The following DAB1 variants were observed in gnomAD, a reference collection of about 807,000 sequenced individuals.
The protein encoded by DAB1 is disabled homolog 1.
Under a neutral mutation model 64.6 loss-of-function variants are expected in DAB1, and 15 were observed. The observed-to-expected ratio is 0.23, with a 90% CI of 0.16 to 0.36. DAB1 has a LOEUF of 0.36. DAB1 is among the 10% of genes least tolerant of loss of function. The probability of loss-of-function intolerance (pLI) is 1.00; values close to 1 mark genes in which losing one functional copy is unlikely to be tolerated. For synonymous variants in DAB1, 235 were observed against 251.9 expected (o/e 0.93, Z 0.64); for missense variants, 596 against 706.7 (o/e 0.84, Z 1.78).
At chr1:57,468,035 C>T (rs888488763) in intron 7 of DAB1, among the ~76,000 whole-genome samples, 5 of 152,206 alleles carry the variant, frequency 3.3e-5, no homozygotes, top group African/African-American at 1.2e-4. Flanking sequence ...CTGGCTGTCT[C>T]CCCTGGCCCC....
rs187772609 is a variant in DAB1, at chr1:58,404,171, G to A, written n.258-60768C>T. On this transcript the variant is annotated intron_variant and non_coding_transcript_variant, in intron 3 of 20. Transcript: ENST00000485760. ...GAGACATGTCACTGGCACTGAGCAAGCCAACTCGGGGACCTACTCAGAATG... is the reference window on the plus strand; with the variant it reads ...GAGACATGTCACTGGCACTGAGCAAACCAACTCGGGGACCTACTCAGAATG... Among the ~76,000 whole-genome samples the A allele has an allele frequency of 1.8e-3, 276 of 152,274 alleles. 1 individual carries two copies. The highest frequency in any genetic ancestry group is 6.3e-3 in the African/African-American group (262 of 41,554).
chr1:57,298,906 T>C (rs1016564287), intron 1 of DAB1, among the ~76,000 whole-genome samples: 1 of 152,236 alleles, frequency 6.6e-6, no homozygotes, highest in Non-Finnish European at 1.5e-5. Context: ...GAACTTTTTT[T>C]CCCTTTGGAC....
intron 5 of DAB1, among the ~76,000 whole-genome samples, chr1:58,028,427 C>T (rs1055512187): frequency 6.6e-6 from 1 of 152,108 alleles, no homozygotes; most frequent in Non-Finnish European, 1.5e-5. Context: ...ATAAAGCATA[C>T]CCCATGTGTT....
At chr1:57,934,952 C>T (rs975732876) in intron 5 of DAB1, among the ~76,000 whole-genome samples, 1 of 152,206 alleles carries the variant, frequency 6.6e-6, no homozygotes, top group African/African-American at 2.4e-5. Context: ...ATGAGTCTGT[C>T]TCCCCTAAGG....
chr1:57,998,440 C>T (rs914762187), intron 5 of DAB1, among the ~76,000 whole-genome samples: 6 of 146,492 alleles, frequency 4.1e-5, no homozygotes, highest in Admixed American at 1.4e-4. Context: ...GCGATCTCAG[C>T]TCAACCTCTG....
chr1:57,731,734 G>A (rs1647432327), intron 6 of DAB1, among the ~76,000 whole-genome samples: 1 of 151,892 alleles, frequency 6.6e-6, no homozygotes. Flanking sequence ...GAACCCAGGA[G>A]GCGGAGGTTG....
At chr1:58,530,579 C>A in intron 1 of DAB1, 2 of 865,316 alleles carry the variant, frequency 2.3e-6, no homozygotes, top group South Asian at 1.3e-5. Flanking sequence ...ATGATCAATT[C>A]AAGTTATTGT....
chr1:57,171,018 T>C (rs2100924262), intron 2 of DAB1, among the ~76,000 whole-genome samples: 1 of 152,232 alleles, frequency 6.6e-6, no homozygotes, highest in South Asian at 2.1e-4. Flanking sequence ...TCGATACGGC[T>C]TGGTAGAAAA....
At chr1:57,920,018 G>A (rs1052217211) in intron 5 of DAB1, among the ~76,000 whole-genome samples, 2 of 152,152 alleles carry the variant, frequency 1.3e-5, no homozygotes, top group Non-Finnish European at 2.9e-5. Flanking sequence ...ATTGCTCTAA[G>A]TGCTTCAGGT....
At chr1:58,317,568 C>T (rs1048557668) in intron 4 of DAB1, among the ~76,000 whole-genome samples, 2 of 152,222 alleles carry the variant, frequency 1.3e-5, no homozygotes, top group East Asian at 3.9e-4. Flanking sequence ...TTGGTGCCCC[C>T]CTGGCTTGAC....
chr1:58,420,846 C>T (rs1445764302), intron 3 of DAB1, among the ~76,000 whole-genome samples: 2 of 152,148 alleles, frequency 1.3e-5, no homozygotes, highest in Non-Finnish European at 2.9e-5. Flanking sequence ...CCTTCTGTTT[C>T]CATGGTCCAA....
intron 1 of DAB1, among the ~76,000 whole-genome samples, chr1:57,330,541 A>G (rs1280156531): frequency 6.6e-6 from 1 of 152,212 alleles, no homozygotes; most frequent in Non-Finnish European, 1.5e-5. Context: ...AAGTGCAATG[A>G]GACAATGTCC....
chr1:58,464,130 A>G lies in DAB1; in HGVS notation n.257+41930T>C, dbSNP rs372373372. Among the ~76,000 whole-genome samples, 24 of 152,356 alleles carry G rather than the reference A, an allele frequency of 1.6e-4. No homozygotes were observed. The East Asian group carries it at 4.1e-3, about 26-fold the overall frequency. On this transcript the variant is annotated intron_variant and non_coding_transcript_variant, in intron 3 of 20. Coordinates refer to the DAB1 transcript ENST00000485760. ...TGGAAGCAAAGTGCTCTGGCCACCA[A>G]TCCACAACTGCCAAGCAGGCACAGG...
At chr1:57,159,776 A>T (rs1480122779) in intron 2 of DAB1, among the ~76,000 whole-genome samples, 1 of 148,956 alleles carries the variant, frequency 6.7e-6, no homozygotes, top group Non-Finnish European at 1.5e-5. Flanking sequence ...ACTCCCAGCA[A>T]TTTTTCCAGA....
At chr1:57,831,581 A>G (rs913036812) in intron 1 of DAB1, among the ~76,000 whole-genome samples, 1 of 127,108 alleles carries the variant, frequency 7.9e-6, no homozygotes, top group Non-Finnish European at 1.6e-5. Context: ...TTACCCTGCT[A>G]CCCAGGCTGG....
intron 6 of DAB1, among the ~76,000 whole-genome samples, chr1:57,791,366 A>C (rs922966853): frequency 6.6e-6 from 1 of 152,082 alleles, no homozygotes; most frequent in Non-Finnish European, 1.5e-5. Flanking sequence ...TCCTACTTCT[A>C]CTTTTACTAG....
chr1:57,827,093 G>A (rs1652383574), intron 1 of DAB1, among the ~76,000 whole-genome samples: 1 of 152,158 alleles, frequency 6.6e-6, no homozygotes, highest in Non-Finnish European at 1.5e-5. Context: ...TTTAATATAA[G>A]ATGAGCTAAA....
At chr1:57,685,142 C>T (rs1646680622) in intron 6 of DAB1, among the ~76,000 whole-genome samples, 2 of 151,448 alleles carry the variant, frequency 1.3e-5, no homozygotes, top group South Asian at 2.1e-4. Flanking sequence ...TTAGTAGAGA[C>T]GGGGTTTCAC....
chr1:57,591,451 G>A (rs1645444564), intron 7 of DAB1, among the ~76,000 whole-genome samples: 1 of 152,196 alleles, frequency 6.6e-6, no homozygotes, highest in African/African-American at 2.4e-5. Context: ...CAGCACTAAG[G>A]TGTGGTAATA....
Sources: gnomAD v4.1 joint callset for allele counts (sites outside exome capture counted in the v4.1 genomes callset) on GRCh38, gnomAD v4.1.1 for gene constraint, MANE v1.5 for transcripts, NCBI Gene and HGNC (gene_info 2026-07-23, HGNC 2026-07-21) for gene names.